MARCHF3: variants seen among roughly 807,000 people sequenced by gnomAD.
MARCHF3 encodes the protein membrane associated ring-CH-type finger 3, also known as E3 ubiquitin-protein ligase MARCHF3.
Under a neutral mutation model 24.2 loss-of-function variants are expected in MARCHF3, and 13 were observed. The ratio of observed to expected loss-of-function variants is 0.54; its 90% confidence interval spans 0.35 to 0.85. The LOEUF is 0.85. Ranked by LOEUF, MARCHF3 falls within the 40% of genes least tolerant of loss-of-function variation. MARCHF3 has a pLI of 0.01. For synonymous variants in MARCHF3, 144 were observed against 137.3 expected, an observed-to-expected ratio of 1.05 and a Z score of -0.34; for missense variants, 276 against 325.0, an observed-to-expected ratio of 0.85 and a Z score of 1.16.
intron 1 of MARCHF3, among the ~76,000 whole-genome samples, chr5:126,934,801 A>C (rs1424558435): frequency 1.2e-4 from 19 of 152,196 alleles, no homozygotes; most frequent in Non-Finnish European, 1.3e-4. Flanking sequence ...AATTCAGGAC[A>C]TGTTGAAAGT....
chr5:126,983,357 C>T (rs1212406098), intron 1 of MARCHF3, among the ~76,000 whole-genome samples: 1 of 152,186 alleles, frequency 6.6e-6, no homozygotes, highest in Admixed American at 6.5e-5. Flanking sequence ...GGGACAGGAA[C>T]TAGCCCTCTG....
In MARCHF3 at chr5:126,937,937, A is replaced by G. The variant is rs922164824; in HGVS notation, c.-56-19710T>C. 4.6e-5 allele frequency among the ~76,000 whole-genome samples: 7 copies of G among 152,208 alleles called. No individual in the cohort carries two copies. In the South Asian group the frequency reaches 1.4e-3, roughly 32 times the overall value. ...TGAGTAGGAGTGAAGGCATAAAGGA[A>G]AGTATCTGCTCTTTTGATAAGACTC... On this transcript the variant is annotated intron_variant, in intron 1 of 4. Transcript: ENST00000308660.
chr5:126,871,156 C>T (rs912752849), intron 4 of MARCHF3, among the ~76,000 whole-genome samples: 22 of 152,176 alleles, frequency 1.4e-4, no homozygotes, highest in African/African-American at 4.1e-4. Context: ...CTCAGCAATG[C>T]GCCTATCAGG....
At chr5:127,011,703 A>G (rs1752480072) in intron 1 of MARCHF3, among the ~76,000 whole-genome samples, 1 of 152,190 alleles carries the variant, frequency 6.6e-6, no homozygotes, top group African/African-American at 2.4e-5. Context: ...ATGAAGATAA[A>G]TAAGATTTTA....
At chr5:126,942,228 T>C (rs1430419987) in intron 1 of MARCHF3, among the ~76,000 whole-genome samples, 3 of 152,244 alleles carry the variant, frequency 2.0e-5, no homozygotes, top group African/African-American at 7.2e-5. Context: ...CTATTAGTTA[T>C]TCTAGGTCAG....
intron 1 of MARCHF3, among the ~76,000 whole-genome samples, chr5:126,942,950 G>A (rs1229394293): frequency 2.0e-5 from 3 of 152,146 alleles, no homozygotes; most frequent in Admixed American, 2.0e-4. Flanking sequence ...AAATTCCTCA[G>A]TGTCAAACAC....
rs748326476 is a variant in MARCHF3 at position 126,878,230 on chromosome 5, A to C, written c.558T>G (p.Ile186Met). ...TAGTGAAGAGTGCGACAGTGAGTGC[A>C]ATCAGTCCGACGGCTTCCAGCCGAC... ...FSSRLEAVGL[I>M]ALTVALFTIY... is the part of the protein sequence containing the mutation. The change falls in exon 4 of 5, where the codon ATT becomes ATG. Residue 186 changes from isoleucine (I) to methionine (M), a missense_variant. Coordinates refer to ENST00000308660, the MANE Select transcript of MARCHF3 (RefSeq NM_178450.5). 8 of 1,614,272 alleles carry C rather than the reference A, an allele frequency of 5.0e-6. No individual in the cohort carries two copies. Among genetic ancestry groups the C allele is most frequent in the Non-Finnish European group, 6.8e-6 (8 of 1,180,052 alleles).
In MARCHF3 at chr5:126,939,396, C is replaced by G. The variant is rs181838021; in HGVS notation, c.-56-21169G>C. ...GGGCTGGGAGAACACTTACTAACAC[C>G]GTGGCTACTACCTGTTCTTCATTTC... On this transcript the variant is annotated intron_variant, in intron 1 of 4. Transcript: ENST00000308660. Among the ~76,000 whole-genome samples the G allele has an allele frequency of 4.1e-4, 62 of 152,250 alleles. 1 individual carries two copies. The East Asian group carries it at 0.011, about 28-fold the overall frequency.
At chr5:126,991,028 C>T (rs1363835901) in intron 1 of MARCHF3, among the ~76,000 whole-genome samples, 1 of 152,162 alleles carries the variant, frequency 6.6e-6, no homozygotes, top group Non-Finnish European at 1.5e-5. Context: ...TAGCATTCGA[C>T]CCAGCCATCC....
At chr5:127,003,359 C>A (rs866139443) in intron 1 of MARCHF3, among the ~76,000 whole-genome samples, 1 of 151,706 alleles carries the variant, frequency 6.6e-6, no homozygotes, top group Non-Finnish European at 1.5e-5. Flanking sequence ...CCCAGCTACT[C>A]GGAGAGGCTG....
Position 126,989,013 on chromosome 5 carries a change from T to C in MARCHF3, c.-57+41337A>G, listed in dbSNP as rs138144719. ...CCACTGGCATCAACAACACACTTCA[T>C]TGAAGAAAAAATGTCTACAATAGGA... is the stretch of plus-strand genomic sequence containing the variant. On this transcript the variant is annotated intron_variant, in intron 1 of 4. Coordinates refer to ENST00000308660, the MANE Select transcript of MARCHF3 (RefSeq NM_178450.5). Among the ~76,000 whole-genome samples the C allele has an allele frequency of 6.2e-3, 950 of 152,252 alleles. 10 individuals are homozygous for C. Among genetic ancestry groups the C allele is most frequent in the Admixed American group, 0.016 (249 of 15,294 alleles).
Position 126,878,227 on chromosome 5 carries a change from T to A in MARCHF3, c.561A>T (p.Ala187=). 2 of 1,614,118 alleles carry A rather than the reference T, an allele frequency of 1.2e-6. No homozygotes were observed. The highest frequency in any genetic ancestry group is 1.7e-6 in the Non-Finnish European group (2 of 1,180,012). ...SSRLEAVGLI[A]LTVALFTIYL... is the part of the protein sequence containing the mutation. ...AAATAGTGAAGAGTGCGACAGTGAG[T>A]GCAATCAGTCCGACGGCTTCCAGCC... Residue 187 remains alanine (A), a synonymous_variant, in exon 4 of 5, where the codon GCA becomes GCT. Transcript: ENST00000308660.
chr5:126,874,136 G>T (rs193207650), intron 4 of MARCHF3, among the ~76,000 whole-genome samples: 7 of 152,320 alleles, frequency 4.6e-5, no homozygotes, highest in Admixed American at 2.0e-4. Context: ...GCTTCCTGAA[G>T]TTTCTAGTTT....
chr5:127,011,103 C>T (rs1010274652), intron 1 of MARCHF3, among the ~76,000 whole-genome samples: 1 of 152,172 alleles, frequency 6.6e-6, no homozygotes, highest in African/African-American at 2.4e-5. Flanking sequence ...CTACTAACTT[C>T]CTCTCTTAAA....
intron 1 of MARCHF3, among the ~76,000 whole-genome samples, chr5:127,008,884 T>A (rs1036389257): frequency 1.7e-4 from 2 of 11,594 alleles, no homozygotes; most frequent in Admixed American, 9.2e-4. Context: ...TTAAAAAATT[T>A]ATTTATTTAT....
At chr5:126,916,154 A>G (rs1201618764) in intron 2 of MARCHF3, among the ~76,000 whole-genome samples, 4 of 152,248 alleles carry the variant, frequency 2.6e-5, no homozygotes, top group Non-Finnish European at 2.9e-5. Context: ...TCAGTGGCCA[A>G]TGGAAAGAGG....
rs759245490 is a variant in MARCHF3, at chr5:126,870,751, C to T, written c.644G>A (p.Arg215His). Residue 215 changes from arginine (R) to histidine (H), a missense_variant, in exon 5 of 5, where the codon CGT (arginine) becomes CAT (histidine). Coordinates refer to ENST00000308660, the MANE Select transcript of MARCHF3 (RefSeq NM_178450.5). ...RYHCRLYNEW[R>H]RTNQRVILLI... ...GAGAATCACCCTCTGATTGGTCCGACGCCACTCGTTGTACAATCGACAGTG... is the reference window on the plus strand; with the variant it reads ...GAGAATCACCCTCTGATTGGTCCGATGCCACTCGTTGTACAATCGACAGTG... 18 of 1,614,052 alleles carry T rather than the reference C, an allele frequency of 1.1e-5. No individual in the cohort carries two copies. The highest frequency in any genetic ancestry group is 2.2e-5 in the East Asian group (1 of 44,900).
chr5:127,018,938 T>G (rs1752711545), intron 1 of MARCHF3, among the ~76,000 whole-genome samples: 1 of 152,210 alleles, frequency 6.6e-6, no homozygotes, highest in South Asian at 2.1e-4. Flanking sequence ...CATTCATCAG[T>G]AATTATCAGT....
At chr5:127,002,805 A>G (rs1279076189) in intron 1 of MARCHF3, among the ~76,000 whole-genome samples, 3 of 152,226 alleles carry the variant, frequency 2.0e-5, no homozygotes, top group Admixed American at 6.5e-5. Flanking sequence ...CCCTTCTTGG[A>G]ACATTTTTCA....
Sources: allele counts gnomAD v4.1 joint callset (sites outside exome capture counted in the v4.1 genomes callset), GRCh38; gene constraint gnomAD v4.1.1; transcripts MANE v1.5; gene names NCBI Gene and HGNC (gene_info 2026-07-23, HGNC 2026-07-21).